CNTNAP4: variants seen among roughly 807,000 people sequenced by gnomAD.
The protein encoded by CNTNAP4 is contactin associated protein family member 4, also known as contactin-associated protein-like 4.
Under a neutral mutation model 148.4 loss-of-function variants are expected in CNTNAP4, and 98 were observed. The ratio of observed to expected loss-of-function variants is 0.66; its 90% confidence interval spans 0.56 to 0.78. The LOEUF is 0.78. CNTNAP4 is among the 30% of genes least tolerant of loss of function. The probability of loss-of-function intolerance (pLI) is 0.00; values close to 1 mark genes in which losing one functional copy is unlikely to be tolerated. For missense variants in CNTNAP4, 1,935 were observed against 1,565.6 expected (o/e 1.24, Z -3.98); for synonymous variants, 730 against 565.1 (o/e 1.29, Z -4.14).
chr16:76,305,795 C>A (rs1161873859), intron 1 of CNTNAP4, among the ~76,000 whole-genome samples: 1 of 152,150 alleles, frequency 6.6e-6, no homozygotes, highest in Non-Finnish European at 1.5e-5. Context: ...AGTTTTTCAA[C>A]ACATGGTCCC....
intron 9 of CNTNAP4, among the ~76,000 whole-genome samples, chr16:76,462,765 T>C (rs2081027079): frequency 1.3e-5 from 2 of 152,244 alleles, no homozygotes; most frequent in Non-Finnish European, 2.9e-5. Context: ...AAAACAAATG[T>C]TCTTTTCCGT....
At chr16:76,415,299 A>T (rs1385795468) in intron 3 of CNTNAP4, among the ~76,000 whole-genome samples, 1 of 151,188 alleles carries the variant, frequency 6.6e-6, no homozygotes, top group Admixed American at 6.6e-5. Flanking sequence ...ATATTGCATG[A>T]CCTTCTTCAA....
At chr16:76,364,506 G>A (rs1006322862) in intron 3 of CNTNAP4, among the ~76,000 whole-genome samples, 18 of 152,094 alleles carry the variant, frequency 1.2e-4, no homozygotes, top group African/African-American at 4.3e-4. Context: ...TTGATAACTT[G>A]TATCTCACAT....
chr16:76,288,961 G>T (rs1958999274), intron 1 of CNTNAP4, among the ~76,000 whole-genome samples: 1 of 151,888 alleles, frequency 6.6e-6, no homozygotes, highest in African/African-American at 2.4e-5. Flanking sequence ...CATTTCATTA[G>T]GTTGCATACA....
chr16:76,314,447 A>G (rs1961485001), intron 1 of CNTNAP4, among the ~76,000 whole-genome samples: 1 of 152,226 alleles, frequency 6.6e-6, no homozygotes, highest in Non-Finnish European at 1.5e-5. Flanking sequence ...ACTTGTGTGT[A>G]TATGTGTATA....
intron 15 of CNTNAP4, among the ~76,000 whole-genome samples, chr16:76,515,753 A>G (rs1597796530): frequency 6.6e-6 from 1 of 152,258 alleles, no homozygotes; most frequent in East Asian, 1.9e-4. Flanking sequence ...AATGCATATT[A>G]CATCCTCAAT....
intron 3 of CNTNAP4, among the ~76,000 whole-genome samples, chr16:76,389,437 T>A (rs1372144450): frequency 6.6e-6 from 1 of 152,104 alleles, no homozygotes; most frequent in Non-Finnish European, 1.5e-5. Flanking sequence ...TGTTTAGTTT[T>A]TTTTGTTTTT....
chr16:76,557,040 G>C lies in CNTNAP4; in HGVS notation c.3734-1450G>C, dbSNP rs143034141. 1.2e-3 allele frequency among the ~76,000 whole-genome samples: 177 copies of C among 152,302 alleles called. 1 individual carries two copies. Among genetic ancestry groups the C allele is most frequent in the African/African-American group, 4.2e-3 (173 of 41,570 alleles). On this transcript the variant is annotated intron_variant, in intron 23 of 23. Transcript: ENST00000611870. ...GAATGGAGTCTTAGTTTTACCATAT[G>C]AGATTTGATTCACATTGCTATTTTC... is the stretch of plus-strand genomic sequence containing the variant.
intron 3 of CNTNAP4, among the ~76,000 whole-genome samples, chr16:76,426,768 G>C (rs1597497706): frequency 6.6e-6 from 1 of 151,966 alleles, no homozygotes; most frequent in East Asian, 1.9e-4. Context: ...TCTGCAATTT[G>C]ACTGTGCTAG....
At chr16:76,375,378 C>T (rs953093475) in intron 3 of CNTNAP4, among the ~76,000 whole-genome samples, 4 of 152,050 alleles carry the variant, frequency 2.6e-5, no homozygotes, top group Admixed American at 6.5e-5. Flanking sequence ...GCTGAGATCA[C>T]GACACTGCAC....
intron 3 of CNTNAP4, among the ~76,000 whole-genome samples, chr16:76,424,289 C>T (rs944472862): frequency 1.3e-5 from 2 of 152,040 alleles, no homozygotes; most frequent in East Asian, 3.9e-4. Flanking sequence ...AATGTGAGAT[C>T]TTTTGGAGGG....
intron 10 of CNTNAP4, among the ~76,000 whole-genome samples, chr16:76,474,286 G>A (rs904708639): frequency 2.0e-5 from 3 of 152,122 alleles, no homozygotes; most frequent in African/African-American, 7.2e-5. Flanking sequence ...TTGTAAAAGT[G>A]GCAAGTGGCT....
intron 3 of CNTNAP4, among the ~76,000 whole-genome samples, chr16:76,370,188 C>G (rs2014634710): frequency 6.6e-6 from 1 of 151,334 alleles, no homozygotes; most frequent in Admixed American, 6.6e-5. Context: ...CAAAGCATCA[C>G]AACAGATTAT....
chr16:76,533,524 G>A (rs2084078180), intron 17 of CNTNAP4, among the ~76,000 whole-genome samples: 2 of 152,150 alleles, frequency 1.3e-5, no homozygotes, highest in Admixed American at 1.3e-4. Context: ...AGGTGATGGT[G>A]ATGCTAACTA....
intron 3 of CNTNAP4, among the ~76,000 whole-genome samples, chr16:76,406,427 A>G (rs919656985): frequency 2.0e-5 from 3 of 152,020 alleles, no homozygotes; most frequent in Non-Finnish European, 2.9e-5. Context: ...TAACCTTACA[A>G]TGGCCTCTAA....
intron 3 of CNTNAP4, among the ~76,000 whole-genome samples, chr16:76,388,683 C>T (rs1167764126): frequency 3.3e-5 from 5 of 152,066 alleles, no homozygotes; most frequent in African/African-American, 1.2e-4. Flanking sequence ...TGATTTATTG[C>T]CTGTCTATGC....
chr16:76,309,662 C>T (rs565188650), intron 1 of CNTNAP4, among the ~76,000 whole-genome samples: 1 of 152,142 alleles, frequency 6.6e-6, no homozygotes, highest in Non-Finnish European at 1.5e-5. Flanking sequence ...GGCTGTGTCC[C>T]CATTCAAATC....
intron 3 of CNTNAP4, among the ~76,000 whole-genome samples, 188 bp from the exon 4 acceptor site, chr16:76,427,264 G>C (rs1333523871): frequency 6.6e-6 from 1 of 152,146 alleles, no homozygotes; most frequent in African/African-American, 2.4e-5. Context: ...AAAAAGAAAA[G>C]TTGAAGCGAC....
chr16:76,434,761 A>G (rs903234960), intron 4 of CNTNAP4, among the ~76,000 whole-genome samples: 16 of 152,174 alleles, frequency 1.1e-4, no homozygotes, highest in Admixed American at 7.2e-4. Flanking sequence ...CAGGAAGCCA[A>G]TGTGGAGGTT....
Sources: gnomAD v4.1 joint callset for allele counts (sites outside exome capture counted in the v4.1 genomes callset) on GRCh38, gnomAD v4.1.1 for gene constraint, MANE v1.5 for transcripts, NCBI Gene and HGNC (gene_info 2026-07-23, HGNC 2026-07-21) for gene names.